The following MOK variants were observed in gnomAD, a reference collection of about 807,000 sequenced individuals.
MOK encodes the protein MAPK/MAK/MRK overlapping kinase.
Under a neutral mutation model 54.2 loss-of-function variants are expected in MOK, and 59 were observed. That is an observed-to-expected ratio of 1.09 (90% CI 0.88 to 1.35). The LOEUF (loss-of-function observed/expected upper bound fraction) is 1.35. MOK is among the 40% of genes most tolerant of loss of function. MOK has a pLI of 0.00. For synonymous variants in MOK, 210 were observed against 202.7 expected (o/e 1.04, Z -0.31); for missense variants, 517 against 526.2 (o/e 0.98, Z 0.17).
At chr14:102,224,865 G>C (rs1037346946), downstream of MOK, 13 of 451,574 alleles carry the variant, frequency 2.9e-5, no homozygotes, top group African/African-American at 2.6e-4. Context: ...GGATGAATTA[G>C]ACACATGCAG....
At chr14:102,227,733 C>T, downstream of MOK, among the ~76,000 whole-genome samples, 1 of 152,164 alleles carries the variant, frequency 6.6e-6, no homozygotes, top group Non-Finnish European at 1.5e-5. Context: ...GGACTCGCTG[C>T]CCCACGCTCC....
intron 1 of MOK, among the ~76,000 whole-genome samples, chr14:102,299,163 G>A (rs932309861): frequency 2.6e-5 from 4 of 151,022 alleles, no homozygotes; most frequent in African/African-American, 7.3e-5. Flanking sequence ...CTCTTTCCAT[G>A]GCGGAAAAAA....
intron 2 of MOK, among the ~76,000 whole-genome samples, chr14:102,269,337 C>A (rs1040415539): frequency 1.5e-4 from 23 of 152,100 alleles, no homozygotes; most frequent in African/African-American, 5.5e-4. Context: ...CAGGTGCCCA[C>A]CACTATCCCA....
In MOK at chr14:102,232,955, G is replaced by A. The variant is rs191603244; in HGVS notation, c.693-247C>T. The stretch of plus-strand genomic sequence containing the variant: ...CACACCACTCGAGGCAGGTGCTGAC[G>A]ACAGGGGAGGCTGTGTGCACATGGG... On this transcript the variant is annotated intron_variant, in intron 8 of 11. Transcript: ENST00000361847. The surrounding 1 kb of genome is among the most constrained non-coding windows in gnomAD (Gnocchi z 5.1). 11 of 321,304 alleles carry A rather than the reference G, an allele frequency of 3.4e-5. No homozygotes were observed. In the East Asian group the frequency reaches 4.8e-4, roughly 14 times the overall value. 19.9% of individuals were successfully genotyped at this position (321,304 alleles called of 1,614,324 possible). A position where few individuals can be genotyped will look rare whatever the true frequency, so the allele number is the denominator to read the frequency against.
downstream of MOK, among the ~76,000 whole-genome samples, chr14:102,227,166 CTT>C (rs758222120): frequency 6.6e-6 from 1 of 152,208 alleles, no homozygotes; most frequent in African/African-American, 2.4e-5. Context: ...ACTGTAAAGA[CTT>C]TCCCTTCATA....
intron 2 of MOK, among the ~76,000 whole-genome samples, chr14:102,282,370 T>C (rs960652814): frequency 6.6e-6 from 1 of 151,974 alleles, no homozygotes; most frequent in Non-Finnish European, 1.5e-5. Flanking sequence ...AATATTAATA[T>C]ATTAATTTAT....
Position 102,240,734 on chromosome 14 carries a change from C to T in MOK, c.591-6945G>A, listed in dbSNP as rs2065649429. ...CTGCCTTGGTCATTCACCCACATTC[C>T]CTTGGTGGCAAGTCAACTGCGGGGA... On this transcript the variant is annotated intron_variant, in intron 7 of 11. Transcript: ENST00000361847. This position sits in a 1 kb window ranked among gnomAD's most constrained non-coding sequence, Gnocchi z 5.4. 1 of 152,304 alleles carries T rather than the reference C, an allele frequency of 6.6e-6. No homozygotes were observed. Among genetic ancestry groups the T allele is most frequent in the African/African-American group, 2.4e-5 (1 of 41,436 alleles). 9.4% of individuals were successfully genotyped at this position (152,304 alleles called of 1,614,324 possible).
intron 1 of MOK, among the ~76,000 whole-genome samples, chr14:102,293,634 G>A (rs532568552): frequency 3.5e-5 from 5 of 144,662 alleles, no homozygotes; most frequent in Admixed American, 2.9e-4. Context: ...GGAGGCGGAG[G>A]TTGCGGTGAG....
chr14:102,238,467 G>A lies in MOK; in HGVS notation c.591-4678C>T, dbSNP rs1195360149. On this transcript the variant is annotated intron_variant, in intron 7 of 11. Transcript: ENST00000361847. This position sits in a 1 kb window ranked among gnomAD's most constrained non-coding sequence, Gnocchi z 4.8. ...CGCACATCTCCCAACTGAGGCAGGA[G>A]TTATACACTGTTGGGGACATCACAC... 1.3e-5 allele frequency: 2 copies of A among 152,200 alleles called. No individual in the cohort carries two copies. The highest frequency in any genetic ancestry group is 2.9e-5 in the Non-Finnish European group (2 of 68,060). The allele number at this position is 152,200 out of a possible 1,614,324, so 9.4% of individuals were successfully genotyped here.
chr14:102,226,375 G>A (rs1028513852), downstream of MOK: 5 of 703,014 alleles, frequency 7.1e-6, no homozygotes, highest in Admixed American at 2.0e-5. The surrounding 1 kb of genome is among the most constrained non-coding windows in gnomAD (Gnocchi z 4.8). Context: ...GGAGGAGGAC[G>A]GCTGAGGCCT....
intron 1 of MOK, among the ~76,000 whole-genome samples, chr14:102,289,257 A>G (rs1282307956): frequency 6.6e-6 from 1 of 152,126 alleles, no homozygotes; most frequent in Non-Finnish European, 1.5e-5. Context: ...ATCAGAAAAA[A>G]AAAACAGAGT....
chr14:102,283,446 T>C (rs773461729), intron 2 of MOK, 32 bp downstream of exon 2: 2 of 1,422,730 alleles, frequency 1.4e-6, no homozygotes, highest in Admixed American at 4.0e-5. Flanking sequence ...CTTGGATCTG[T>C]GTTTGGTCCC....
At chr14:102,277,954 A>G (rs2069038456) in intron 2 of MOK, among the ~76,000 whole-genome samples, 1 of 152,186 alleles carries the variant, frequency 6.6e-6, no homozygotes, top group African/African-American at 2.4e-5. Flanking sequence ...CAATGGGATG[A>G]TATGAGGAGG....
chr14:102,264,051 C>A (rs2067687058), intron 3 of MOK: 1 of 156,840 alleles, frequency 6.4e-6, no homozygotes, highest in Admixed American at 6.5e-5. Flanking sequence ...CCCATCTCTA[C>A]TAAAAATACA....
chr14:102,267,415 A>G (rs1270287172), intron 2 of MOK, among the ~76,000 whole-genome samples: 1 of 152,040 alleles, frequency 6.6e-6, no homozygotes, highest in Non-Finnish European at 1.5e-5. Context: ...AAAATACAAA[A>G]ATCAGCCGGG....
chr14:102,267,989 C>T (rs2153142234), intron 2 of MOK, among the ~76,000 whole-genome samples: 1 of 151,460 alleles, frequency 6.6e-6, no homozygotes, highest in Admixed American at 6.6e-5. Context: ...AAAATGCCAA[C>T]AGTGTTGAGA....
At chr14:102,263,767 T>C in intron 3 of MOK, 151 bp from the exon 4 acceptor site, 1 of 462,822 alleles carries the variant, frequency 2.2e-6, no homozygotes, top group South Asian at 5.1e-5. Flanking sequence ...GTAAAGGTTT[T>C]GATTTTAAAT....
At chr14:102,271,496 A>G (rs1334097558) in intron 2 of MOK, among the ~76,000 whole-genome samples, 1 of 152,242 alleles carries the variant, frequency 6.6e-6, no homozygotes, top group Non-Finnish European at 1.5e-5. Context: ...TCAGCAAAAA[A>G]TGGAGGAATG....
chr14:102,276,416 G>C (rs968987372), intron 2 of MOK, among the ~76,000 whole-genome samples: 48 of 152,014 alleles, frequency 3.2e-4, no homozygotes, highest in African/African-American at 1.2e-3. Context: ...GTGAACCCAG[G>C]AGTCAGAGCT....
Sources: allele counts gnomAD v4.1 joint callset (sites outside exome capture counted in the v4.1 genomes callset), GRCh38; gene constraint gnomAD v4.1.1; non-coding constraint Gnocchi (gnomAD v3.1); transcripts MANE v1.5; gene names NCBI Gene and HGNC (gene_info 2026-07-23, HGNC 2026-07-21).